Variants in PPWD1 observed in about 807,000 individuals in gnomAD.
The protein encoded by PPWD1 is peptidylprolyl isomerase domain and WD repeat containing 1.
PPWD1 carries 43 observed loss-of-function variants against 68.8 expected under a neutral mutation model. The observed-to-expected ratio is 0.62, with a 90% CI of 0.49 to 0.81. PPWD1 has a LOEUF of 0.81. PPWD1 is among the 30% of genes least tolerant of loss of function. The pLI, the probability that PPWD1 is intolerant of heterozygous loss-of-function variation, is 0.00. For synonymous variants in PPWD1, 232 were observed against 258.7 expected, an observed-to-expected ratio of 0.90 and a Z score of 0.99; for missense variants, 672 against 804.8, an observed-to-expected ratio of 0.83 and a Z score of 2.00.
chr5:65,575,297 A>G (rs1753230063), intron 5 of PPWD1, among the ~76,000 whole-genome samples: 1 of 152,210 alleles, frequency 6.6e-6, no homozygotes, highest in African/African-American at 2.4e-5. Flanking sequence ...CTTCCCTGCA[A>G]AATGTGTAGT....
intron 1 of PPWD1, among the ~76,000 whole-genome samples, chr5:65,564,536 GTCTTGATT>G (rs1752605713): frequency 6.6e-6 from 1 of 152,012 alleles, no homozygotes. Context: ...GGCCAGGATG[GTCTTGATT>G]TCTTGACCTC....
chr5:65,577,210 C>T lies in PPWD1; in HGVS notation c.1160+141C>T, dbSNP rs1753339661. On this transcript the variant is annotated intron_variant, in intron 6 of 10. Coordinates refer to ENST00000261308, the MANE Select transcript of PPWD1 (RefSeq NM_015342.4). Reference sequence around the variant, plus strand: ...GTCTAAACTTAACCAAATGTTTTGACTGGATTTTTCTGTGGTCTCTTGGTT... The same window carrying T: ...GTCTAAACTTAACCAAATGTTTTGATTGGATTTTTCTGTGGTCTCTTGGTT... 2.3e-6 allele frequency: 3 copies of T among 1,325,352 alleles called. No individual in the cohort carries two copies. In the South Asian group the frequency reaches 6.8e-5, roughly 30 times the overall value. The allele number at this position is 1,325,352 out of a possible 1,614,324, so 82.1% of individuals were successfully genotyped here. A position where few individuals can be genotyped will look rare whatever the true frequency, so the allele number is the denominator to read the frequency against.
At chr5:65,577,912 T>C (rs1167982534) in intron 6 of PPWD1, among the ~76,000 whole-genome samples, 1 of 152,234 alleles carries the variant, frequency 6.6e-6, no homozygotes, top group African/African-American at 2.4e-5. Flanking sequence ...ACATTAGGGT[T>C]CACCCTTGGT....
At chr5:65,565,984 G>A (rs1173131264) in intron 1 of PPWD1, among the ~76,000 whole-genome samples, 1 of 152,092 alleles carries the variant, frequency 6.6e-6, no homozygotes, top group African/African-American at 2.4e-5. Context: ...TTTGGACATT[G>A]GACTGTTGTA....
intron 2 of PPWD1, chr5:65,569,424 T>A (rs1393663153): frequency 5.1e-6 from 2 of 390,764 alleles, no homozygotes; most frequent in Non-Finnish European, 8.8e-6. Context: ...GAGGTTAAAA[T>A]TAGTACAGCT....
chr5:65,572,373 A>C, intron 5 of PPWD1, 87 bp downstream of exon 5: 1 of 1,302,832 alleles, frequency 7.7e-7, no homozygotes, highest in East Asian at 2.5e-5. Context: ...TTTTCTACAG[A>C]TAGACATTTA....
rs552933538 is a variant in PPWD1 at position 65,583,069 on chromosome 5, G to A, written c.1382G>A (p.Ser461Asn). The change falls in exon 8 of 11, where the codon AGT becomes AAT. Residue 461 changes from serine (S) to asparagine (N), a missense_variant. This residue lies in a region of PPWD1 where 484 missense variants were observed against 646.2 expected (regional missense o/e 0.75). Coordinates refer to ENST00000261308, the MANE Select transcript of PPWD1 (RefSeq NM_015342.4). ...AAACGAGAACCAGAAGATACGAAAA[G>A]TGCAGATTCTGATCGAGATGTTTTT... ...FTKREPEDTK[S>N]ADSDRDVFNE... is the part of the protein sequence containing the mutation. The A allele has an allele frequency of 8.7e-6, 14 of 1,607,724 alleles. No individual in the cohort carries two copies. The African/African-American group carries it at 1.9e-4, about 22-fold the overall frequency.
intron 1 of PPWD1, among the ~76,000 whole-genome samples, chr5:65,566,098 T>G (rs757781026): frequency 3.3e-5 from 5 of 152,214 alleles, no homozygotes; most frequent in Non-Finnish European, 5.9e-5. Context: ...TATTGTGTTC[T>G]TAGTAAGTAT....
intron 1 of PPWD1, among the ~76,000 whole-genome samples, chr5:65,564,505 G>A (rs978260769): frequency 6.6e-6 from 1 of 151,940 alleles, no homozygotes; most frequent in African/African-American, 2.4e-5. Context: ...ATTTTTAGTA[G>A]GGACGGGGTT....
chr5:65,586,116 C>G lies in PPWD1; in HGVS notation c.1732C>G (p.Leu578Val). 1 of 1,613,354 alleles carries G rather than the reference C, an allele frequency of 6.2e-7. No homozygotes were observed. Among genetic ancestry groups the G allele is most frequent in the Non-Finnish European group, 8.5e-7 (1 of 1,179,450 alleles). The change falls in exon 10 of 11, where the codon CTC becomes GTC. Residue 578 changes from leucine to valine, a missense_variant. Leu to Val is a conservative substitution (Grantham distance 32). This residue lies in a region of PPWD1 where 484 missense variants were observed against 646.2 expected (regional missense o/e 0.75). Coordinates refer to ENST00000261308, the MANE Select transcript of PPWD1 (RefSeq NM_015342.4). ...ATTACGACATGACAGGCCATACACACTCAGCATGGCTAACGCGGGATCAAA... is the reference window on the plus strand; with the variant it reads ...ATTACGACATGACAGGCCATACACAGTCAGCATGGCTAACGCGGGATCAAA... ...STLRHDRPYTLSMANAGSNTN... is the reference protein window; with the variant it reads ...STLRHDRPYTVSMANAGSNTN...
intron 8 of PPWD1, among the ~76,000 whole-genome samples, chr5:65,583,593 C>A (rs1753693411): frequency 6.6e-6 from 1 of 152,120 alleles, no homozygotes; most frequent in African/African-American, 2.4e-5. Flanking sequence ...AATTATGTTT[C>A]CTTACCAACA....
At chr5:65,583,364 C>A (rs1753684676) in intron 8 of PPWD1, 145 bp downstream of exon 8, 1 of 947,878 alleles carries the variant, frequency 1.1e-6, no homozygotes, top group Non-Finnish European at 1.5e-6. Flanking sequence ...TATTCCTGAG[C>A]TTTCTGATAA....
At position 65,569,617 on chromosome 5, in the gene PPWD1, A is replaced by G; in HGVS notation, c.300-15A>G. The G allele has an allele frequency of 6.4e-7, 1 of 1,551,176 alleles. No homozygotes were observed. The highest frequency in any genetic ancestry group is 1.2e-5 in the South Asian group (1 of 85,126). ...TCTGTCTTAGAAATTAACTTTTAAC[A>G]TTTCATATATGCAGAACAGATTTTA... is the stretch of plus-strand genomic sequence containing the variant. On this transcript the variant is annotated splice_polypyrimidine_tract_variant and intron_variant, in intron 2 of 10. Coordinates refer to ENST00000261308, the MANE Select transcript of PPWD1 (RefSeq NM_015342.4).
chr5:65,580,517 C>T (rs1181747598), intron 7 of PPWD1, among the ~76,000 whole-genome samples: 2 of 152,102 alleles, frequency 1.3e-5, no homozygotes, highest in Non-Finnish European at 2.9e-5. Context: ...AGTTTGGAAG[C>T]CCCTCTGTTT....
At chr5:65,581,345 C>T (rs147813053) in intron 7 of PPWD1, among the ~76,000 whole-genome samples, 3 of 152,136 alleles carry the variant, frequency 2.0e-5, no homozygotes, top group Non-Finnish European at 4.4e-5. Flanking sequence ...CAGCACTTTG[C>T]GGGGGCCCAA....
intron 5 of PPWD1, among the ~76,000 whole-genome samples, chr5:65,575,945 C>G (rs1347808867): frequency 6.6e-6 from 1 of 152,176 alleles, no homozygotes; most frequent in Non-Finnish European, 1.5e-5. Flanking sequence ...TAACCTTGCT[C>G]AAGGACCTCA....
At chr5:65,570,295 G>A (rs1209181144) in intron 4 of PPWD1, 2 of 894,994 alleles carry the variant, frequency 2.2e-6, no homozygotes, top group Admixed American at 1.2e-4. Context: ...ATTACTGGTA[G>A]TTACAGTTAA....
intron 6 of PPWD1, 140 bp from the exon 7 acceptor site, chr5:65,579,284 A>T: frequency 7.9e-7 from 1 of 1,264,620 alleles, no homozygotes; most frequent in Non-Finnish European, 1.0e-6. Flanking sequence ...TTTGGGGGGT[A>T]GAGAAACACT....
chr5:65,585,486 T>A (rs1307425360), intron 9 of PPWD1, among the ~76,000 whole-genome samples: 1 of 152,082 alleles, frequency 6.6e-6, no homozygotes, highest in Non-Finnish European at 1.5e-5. Context: ...ACCTGTAATA[T>A]ACCAGAGGAG....
Sources: gnomAD v4.1 joint callset for allele counts (sites outside exome capture counted in the v4.1 genomes callset) on GRCh38, gnomAD v4.1.1 for gene constraint, gnomAD v4.1.1 regional missense constraint, MANE v1.5 for transcripts, NCBI Gene and HGNC (gene_info 2026-07-23, HGNC 2026-07-21) for gene names.